SSX2IP: variants seen among roughly 807,000 people sequenced by gnomAD.
The protein encoded by SSX2IP is SSX family member 2 interacting protein.
Under a neutral mutation model 84.9 loss-of-function variants are expected in SSX2IP, and 55 were observed. The observed-to-expected ratio is 0.65, with a 90% CI of 0.52 to 0.81. The LOEUF is 0.81. Ranked by LOEUF, SSX2IP falls within the 30% of genes least tolerant of loss-of-function variation. The pLI is 0.00. For missense variants in SSX2IP, 664 were observed against 705.2 expected, an observed-to-expected ratio of 0.94 and a Z score of 0.66; for synonymous variants, 239 against 234.7, an observed-to-expected ratio of 1.02 and a Z score of -0.17.
At chr1:84,649,977 G>GA in intron 13 of SSX2IP, 1 of 590,254 alleles carries the variant, frequency 1.7e-6, no homozygotes, top group South Asian at 1.4e-5. Context: ...GGGCATGCCG[G>GA]AAAAAAGTGT....
Position 84,666,028 on chromosome 1 carries a change from T to G in SSX2IP, c.537+94A>C, listed in dbSNP as rs529631986. The G allele has an allele frequency of 1.0e-5, 9 of 898,950 alleles. No individual in the cohort carries two copies. The African/African-American group carries it at 1.4e-4, about 14-fold the overall frequency. 55.7% of individuals were successfully genotyped at this position (898,950 alleles called of 1,614,324 possible). A position where few individuals can be genotyped will look rare whatever the true frequency, so the allele number is the denominator to read the frequency against. ...GGGGAAAGATGAATAAATGGTTCTT[T>G]CTTTTTTCAAGTAAAGTGGCTCTTA... On this transcript the variant is annotated intron_variant, in intron 5 of 13. Transcript: ENST00000342203.
At position 84,661,777 on chromosome 1, in the gene SSX2IP, G is replaced by C. The variant is rs190222483; in HGVS notation, c.927+421C>G. ...GTTATGATTGTGAGCTCTGGAGTGA[G>C]AAACTTGGATTCAAATCCTAGCACT... On this transcript the variant is annotated intron_variant, in intron 8 of 13. Transcript: ENST00000342203. Among the ~76,000 whole-genome samples, 58 of 152,296 alleles carry C rather than the reference G, an allele frequency of 3.8e-4. 1 individual carries two copies. The highest frequency in any genetic ancestry group is 4.4e-5 in the Non-Finnish European group (3 of 68,010).
At position 84,645,611 on chromosome 1, in the gene SSX2IP, C is replaced by T. The variant is rs932858018; in HGVS notation, c.*1822G>A. The stretch of plus-strand genomic sequence containing the variant: ...GAGTGCTTATTTCTTGCAAAGTACA[C>T]CATGGAAAACCCTCGGGGGAAAATT... On this transcript the variant is annotated 3_prime_UTR_variant, in exon 14 of 14. Coordinates refer to ENST00000342203, the MANE Select transcript of SSX2IP (RefSeq NM_001166293.2). 6.6e-6 allele frequency: 1 copy of T among 152,110 alleles called. No homozygotes were observed. The highest frequency in any genetic ancestry group is 1.5e-5 in the Non-Finnish European group (1 of 68,014). The allele number at this position is 152,110 out of a possible 1,614,324, so 9.4% of individuals were successfully genotyped here.
In SSX2IP at chr1:84,669,759, A is replaced by C. The variant is rs1162920424; in HGVS notation, c.348T>G (p.Ala116=). Residue 116 remains alanine, a synonymous_variant, in exon 4 of 14, where the codon GCT becomes GCG. Transcript: ENST00000342203. ...AATTCTGTGTCTCCACATTTTCCTG[A>C]GCTAGAAGGTTCTTCCGCTGAAGCA... is the stretch of plus-strand genomic sequence containing the variant. ...LLVLQRKNLL[A]QENVETQNLK... 10 of 1,613,842 alleles carry C rather than the reference A, an allele frequency of 6.2e-6. No homozygotes were observed. The highest frequency in any genetic ancestry group is 8.5e-6 in the Non-Finnish European group (10 of 1,179,804).
intron 1 of SSX2IP, among the ~76,000 whole-genome samples, chr1:84,676,404 C>A (rs1654337213): frequency 6.6e-6 from 1 of 152,082 alleles, no homozygotes; most frequent in South Asian, 2.1e-4. Flanking sequence ...AAAAGCTTTA[C>A]CTTACTACTT....
rs903446903 is a variant in SSX2IP at position 84,684,623 on chromosome 1, C to T, written c.-90+5748G>A. Among the ~76,000 whole-genome samples the T allele has an allele frequency of 2.0e-5, 3 of 152,248 alleles. No homozygotes were observed. In the South Asian group the frequency reaches 6.2e-4, roughly 32 times the overall value. ...AAGTCCACTCCTAGTGAAACCCAAT[C>T]GAAACTCTTGCCTACGTATGCCAGG... On this transcript the variant is annotated intron_variant, in intron 1 of 13. Transcript: ENST00000342203.
chr1:84,671,641 T>C (rs1262606352), intron 1 of SSX2IP, among the ~76,000 whole-genome samples: 1 of 152,172 alleles, frequency 6.6e-6, no homozygotes, highest in African/African-American at 2.4e-5. Flanking sequence ...TAAAATACAA[T>C]TATATAGATA....
At chr1:84,651,094 C>G (rs993305166) in intron 12 of SSX2IP, among the ~76,000 whole-genome samples, 3 of 152,100 alleles carry the variant, frequency 2.0e-5, no homozygotes, top group African/African-American at 7.2e-5. Context: ...GGCGGAATGA[C>G]TGCTTAAGCC....
rs928780706 is a variant in SSX2IP, at chr1:84,656,619, TA to T, written c.1079-136del. ...TTTTATAGGTTTTCTAAAAAGTAGTTACGTCCTTTGACTTTTTAAAATTTCA... is the reference window on the plus strand; with the variant it reads ...TTTTATAGGTTTTCTAAAAAGTAGTTCGTCCTTTGACTTTTTAAAATTTCA... On this transcript the variant is annotated intron_variant, in intron 9 of 13. Transcript: ENST00000342203. The T allele has an allele frequency of 1.6e-5, 11 of 689,152 alleles. No individual in the cohort carries two copies. The African/African-American group carries it at 2.0e-4, about 13-fold the overall frequency. The allele number at this position is 689,152 out of a possible 1,614,324, so 42.7% of individuals were successfully genotyped here.
At chr1:84,684,037 T>G (rs1160109368) in intron 1 of SSX2IP, among the ~76,000 whole-genome samples, 2 of 152,194 alleles carry the variant, frequency 1.3e-5, no homozygotes, top group African/African-American at 2.4e-5. Context: ...ATTTCACTCC[T>G]CAAATAATGA....
At position 84,650,391 on chromosome 1, in the gene SSX2IP, G is replaced by A. The variant is rs755083059; in HGVS notation, c.1641C>T (p.Cys547=). 1.9e-5 allele frequency: 30 copies of A among 1,614,184 alleles called. No homozygotes were observed. The South Asian group carries it at 2.7e-4, about 15-fold the overall frequency. Residue 547 remains cysteine, a synonymous_variant, in exon 13 of 14, where the codon TGC becomes TGT. Coordinates refer to ENST00000342203, the MANE Select transcript of SSX2IP (RefSeq NM_001166293.2). ...LPASPSTSDF[C]QTRSCISEHS... ...GTTCAGATATGCAGGAACGTGTCTG[G>A]CAAAAGTCTGAAGTGGAAGGTGAAG...
At chr1:84,661,374 G>A (rs1248247924) in intron 8 of SSX2IP, among the ~76,000 whole-genome samples, 1 of 150,284 alleles carries the variant, frequency 6.7e-6, no homozygotes, top group Admixed American at 6.6e-5. Flanking sequence ...TCAGATCTCT[G>A]CATATATTAC....
chr1:84,655,765 T>C (rs2102241092), intron 11 of SSX2IP, 67 bp downstream of exon 11: 5 of 1,543,804 alleles, frequency 3.2e-6, no homozygotes, highest in Admixed American at 2.0e-5. Flanking sequence ...AAGGAGACCT[T>C]AGAAGCATTC....
At chr1:84,660,905 A>G (rs935388634) in intron 8 of SSX2IP, among the ~76,000 whole-genome samples, 4 of 148,710 alleles carry the variant, frequency 2.7e-5, no homozygotes, top group Non-Finnish European at 4.5e-5. Flanking sequence ...CAAAAAAAAA[A>G]AAAAAAAAAA....
At chr1:84,690,131 G>A (rs897574770) in intron 1 of SSX2IP, 4 of 152,304 alleles carry the variant, frequency 2.6e-5, no homozygotes, top group African/African-American at 9.6e-5. Flanking sequence ...GCCAGCGAGA[G>A]CGGTCCCGGG....
chr1:84,677,659 TG>T (rs1254227338), intron 1 of SSX2IP, among the ~76,000 whole-genome samples: 1 of 152,040 alleles, frequency 6.6e-6, no homozygotes, highest in Non-Finnish European at 1.5e-5. Flanking sequence ...CATTTAAGGT[TG>T]TTTTTTTACT....
At chr1:84,660,306 A>T (rs1055624430) in intron 8 of SSX2IP, among the ~76,000 whole-genome samples, 1 of 152,192 alleles carries the variant, frequency 6.6e-6, no homozygotes, top group African/African-American at 2.4e-5. Context: ...AATGGGGGTG[A>T]GGAGGGTTTA....
chr1:84,674,729 G>A (rs1200385191), intron 1 of SSX2IP, among the ~76,000 whole-genome samples: 1 of 152,074 alleles, frequency 6.6e-6, no homozygotes, highest in East Asian at 1.9e-4. Context: ...TTTGTAAAAT[G>A]TTTACAATGA....
Position 84,651,999 on chromosome 1 carries a change from T to A in SSX2IP, c.1390-2A>T. ...TCTTTCTTCTTCAAATGCCTTTCTCTACCATAAACAGCCAAAGAAATAATG... is the reference window on the plus strand; with the variant it reads ...TCTTTCTTCTTCAAATGCCTTTCTCAACCATAAACAGCCAAAGAAATAATG... On this transcript the variant is annotated splice_acceptor_variant, in intron 11 of 13. Transcript: ENST00000342203. LOFTEE classifies it high-confidence loss of function. The A allele has an allele frequency of 6.2e-7, 1 of 1,603,578 alleles. No individual in the cohort carries two copies. The highest frequency in any genetic ancestry group is 8.5e-7 in the Non-Finnish European group (1 of 1,170,918).
Sources: gnomAD v4.1 joint callset for allele counts (sites outside exome capture counted in the v4.1 genomes callset) on GRCh38, gnomAD v4.1.1 for gene constraint, MANE v1.5 for transcripts, NCBI Gene and HGNC (gene_info 2026-07-23, HGNC 2026-07-21) for gene names.